Variants in STK32B observed in about 807,000 individuals in gnomAD.
The protein encoded by STK32B is serine/threonine-protein kinase 32B.
A neutral mutation model predicts 52.6 loss-of-function variants in STK32B; 43 were observed. That is an observed-to-expected ratio of 0.82 (90% confidence interval 0.64 to 1.05). STK32B has a LOEUF of 1.05. STK32B is among the 50% of genes least tolerant of loss of function. STK32B has a pLI of 0.00. For synonymous variants in STK32B, 238 were observed against 204.3 expected (o/e 1.17, Z -1.41); for missense variants, 621 against 534.6 (o/e 1.16, Z -1.59).
chr4:5,278,533 C>T (rs763803687), intron 3 of STK32B, among the ~76,000 whole-genome samples: 1 of 152,112 alleles, frequency 6.6e-6, no homozygotes, highest in Non-Finnish European at 1.5e-5. Flanking sequence ...TGTCCGTCAG[C>T]ACAAGAGACA....
At chr4:5,255,228 C>G (rs1444000051) in intron 3 of STK32B, among the ~76,000 whole-genome samples, 3 of 152,106 alleles carry the variant, frequency 2.0e-5, no homozygotes, top group Admixed American at 1.3e-4. Flanking sequence ...CCTGCTTGTT[C>G]AGGGTTTTGG....
intron 1 of STK32B, among the ~76,000 whole-genome samples, chr4:5,095,049 T>G (rs1193576784): frequency 6.6e-6 from 1 of 152,112 alleles, no homozygotes; most frequent in Non-Finnish European, 1.5e-5. Flanking sequence ...CGTAAGGTGG[T>G]GCTAATGGCA....
intron 3 of STK32B, among the ~76,000 whole-genome samples, chr4:5,217,553 G>A (rs1190083996): frequency 6.6e-6 from 1 of 152,206 alleles, no homozygotes; most frequent in East Asian, 1.9e-4. Context: ...TTAACATATG[G>A]TTTCAATTAC....
intron 3 of STK32B, among the ~76,000 whole-genome samples, chr4:5,313,376 A>G (rs1038410503): frequency 6.6e-6 from 1 of 152,016 alleles, no homozygotes; most frequent in East Asian, 1.9e-4. Context: ...AACTAGAAAA[A>G]GAGGGTAACT....
chr4:5,177,683 A>G (rs1281534674), intron 3 of STK32B, among the ~76,000 whole-genome samples: 4 of 152,266 alleles, frequency 2.6e-5, no homozygotes, highest in Non-Finnish European at 4.4e-5. Context: ...AATAGGGTAC[A>G]GGTATTAGGT....
chr4:5,439,392 A>G (rs1288033785), intron 6 of STK32B, among the ~76,000 whole-genome samples: 2 of 151,842 alleles, frequency 1.3e-5, no homozygotes, highest in African/African-American at 4.8e-5. Flanking sequence ...TTGGCTGCAT[A>G]AATGTCTTCT....
intron 3 of STK32B, among the ~76,000 whole-genome samples, chr4:5,209,847 C>T (rs932687573): frequency 7.2e-5 from 11 of 151,920 alleles, no homozygotes; most frequent in Admixed American, 2.6e-4. Context: ...ACTGCAACAT[C>T]GAAAAAAAAC....
chr4:5,173,038 G>A (rs1472963854), intron 3 of STK32B, among the ~76,000 whole-genome samples: 1 of 152,210 alleles, frequency 6.6e-6, no homozygotes, highest in African/African-American at 2.4e-5. Context: ...TTAGTCTTGG[G>A]AGAGTGTATG....
intron 6 of STK32B, among the ~76,000 whole-genome samples, chr4:5,438,597 TTTG>T (rs1192222124): frequency 1.3e-5 from 2 of 152,154 alleles, no homozygotes; most frequent in African/African-American, 4.8e-5. Context: ...TTTGACTTTT[TTTG>T]TTTTTGTTTT....
At chr4:5,481,247 G>C (rs1274451685) in intron 11 of STK32B, among the ~76,000 whole-genome samples, 1 of 152,150 alleles carries the variant, frequency 6.6e-6, no homozygotes, top group Non-Finnish European at 1.5e-5. Flanking sequence ...AGCATCTGTT[G>C]TTTCCTGACT....
chr4:5,321,115 A>T (rs2108938088), intron 3 of STK32B, among the ~76,000 whole-genome samples: 1 of 152,228 alleles, frequency 6.6e-6, no homozygotes, highest in South Asian at 2.1e-4. Flanking sequence ...AGCAAAGCTG[A>T]GTGCGACTCT....
At chr4:5,137,507 G>A (rs1294200826) in intron 1 of STK32B, among the ~76,000 whole-genome samples, 1 of 139,234 alleles carries the variant, frequency 7.2e-6, no homozygotes, top group Admixed American at 7.7e-5. Context: ...GAGGGGAATT[G>A]CTCCTCACCC....
intron 6 of STK32B, among the ~76,000 whole-genome samples, chr4:5,418,125 C>A (rs1313421713): frequency 6.6e-6 from 1 of 152,234 alleles, no homozygotes; most frequent in Non-Finnish European, 1.5e-5. Flanking sequence ...AAGGCTGATG[C>A]ACTGGGGAAC....
chr4:5,094,379 A>G (rs572603164), intron 1 of STK32B, among the ~76,000 whole-genome samples: 15 of 152,236 alleles, frequency 9.9e-5, no homozygotes, highest in Non-Finnish European at 1.6e-4. Context: ...ACTGGTTGGC[A>G]TGATAGCTCA....
At chr4:5,212,918 A>T (rs1336065035) in intron 3 of STK32B, among the ~76,000 whole-genome samples, 2 of 152,174 alleles carry the variant, frequency 1.3e-5, no homozygotes, top group African/African-American at 2.4e-5. Flanking sequence ...TCGTTTTTTT[A>T]AAATCAAGTG....
At chr4:5,481,713 T>C (rs1718726789) in intron 11 of STK32B, among the ~76,000 whole-genome samples, 1 of 152,214 alleles carries the variant, frequency 6.6e-6, no homozygotes, top group South Asian at 2.1e-4. Flanking sequence ...TTTTTATGGT[T>C]TTAGGTCTAA....
chr4:5,496,729 C>G (rs1453637096), intron 11 of STK32B, among the ~76,000 whole-genome samples: 2 of 151,852 alleles, frequency 1.3e-5, no homozygotes, highest in Non-Finnish European at 2.9e-5. Context: ...AAGTCTCTGT[C>G]CTTGAAGATC....
chr4:5,163,098 G>A (rs879644261), intron 2 of STK32B, among the ~76,000 whole-genome samples: 9 of 152,332 alleles, frequency 5.9e-5, no homozygotes, highest in Admixed American at 1.3e-4. Context: ...AGACTTGGAG[G>A]TCAGGGCCAG....
chr4:5,401,115 A>G (rs535006484), intron 5 of STK32B, among the ~76,000 whole-genome samples: 2 of 152,304 alleles, frequency 1.3e-5, no homozygotes, highest in African/African-American at 4.8e-5. Context: ...GAGGAATACA[A>G]CAGCAGTTTA....
Sources: allele counts gnomAD v4.1 joint callset (sites outside exome capture counted in the v4.1 genomes callset), GRCh38; gene constraint gnomAD v4.1.1; transcripts MANE v1.5; gene names NCBI Gene and HGNC (gene_info 2026-07-23, HGNC 2026-07-21).